Variants in ITCH observed in about 807,000 individuals in gnomAD.
The protein encoded by ITCH is itchy E3 ubiquitin protein ligase, also known as E3 ubiquitin-protein ligase Itchy homolog.
In ITCH, 28 loss-of-function variants were observed where a neutral mutation model predicts 126.8. The ratio of observed to expected loss-of-function variants is 0.22; its 90% CI spans 0.16 to 0.30. The LOEUF is 0.30. Ranked by LOEUF, ITCH falls within the 10% of genes least tolerant of loss-of-function variation. The probability of loss-of-function intolerance (pLI) is 1.00; values close to 1 mark genes in which losing one functional copy is unlikely to be tolerated. For missense variants in ITCH, 631 were observed against 1,032.4 expected (o/e 0.61, Z 5.33); for synonymous variants, 342 against 340.0 (o/e 1.01, Z -0.06).
At chr20:34,476,484 T>C (rs1361652791) in intron 16 of ITCH, 1 of 1,210,856 alleles carries the variant, frequency 8.3e-7, no homozygotes, top group Non-Finnish European at 1.0e-6. Flanking sequence ...TCGCCCGCGG[T>C]CGGGAACTCA....
chr20:34,442,150 T>C (rs2146293125), intron 9 of ITCH, 58 bp from the exon 10 acceptor site: 1 of 1,272,476 alleles, frequency 7.9e-7, no homozygotes, highest in East Asian at 2.3e-5. Context: ...AAAGACAGGA[T>C]TAAAAAGCCA....
chr20:34,445,547 A>C (rs926625670), intron 11 of ITCH, 86 bp downstream of exon 11: 4 of 1,334,810 alleles, frequency 3.0e-6, no homozygotes, highest in African/African-American at 1.4e-5. Flanking sequence ...ACTAAAAAGA[A>C]GGTGCAAGTA....
intron 16 of ITCH, 31 bp from the exon 17 acceptor site, chr20:34,477,741 T>C (rs1988371208): frequency 1.2e-6 from 2 of 1,607,148 alleles, no homozygotes; most frequent in African/African-American, 1.3e-5. Flanking sequence ...ATAGCTTTTT[T>C]CACCAATTAT....
chr20:34,454,754 G>T (rs1443109677), intron 12 of ITCH, among the ~76,000 whole-genome samples: 1 of 149,506 alleles, frequency 6.7e-6, no homozygotes, highest in Non-Finnish European at 1.5e-5. Flanking sequence ...GCCTAAAACT[G>T]ATCCAGATGA....
At chr20:34,419,919 C>CT (rs1334539172) in intron 6 of ITCH, among the ~76,000 whole-genome samples, 18 of 145,072 alleles carry the variant, frequency 1.2e-4, no homozygotes, top group East Asian at 6.0e-4. Flanking sequence ...ATTTGCTTAG[C>CT]TTTTTTTTTT....
At chr20:34,442,602 G>A (rs1201088572) in intron 10 of ITCH, among the ~76,000 whole-genome samples, 1 of 151,844 alleles carries the variant, frequency 6.6e-6, no homozygotes, top group Non-Finnish European at 1.5e-5. Context: ...ATCCTCCCGC[G>A]TTGGCCTCCC....
intron 18 of ITCH, among the ~76,000 whole-genome samples, chr20:34,480,374 G>C (rs1412529905): frequency 6.6e-6 from 1 of 151,960 alleles, no homozygotes. Context: ...GCTAATTTTT[G>C]TGTTTTTAGT....
intron 23 of ITCH, among the ~76,000 whole-genome samples, chr20:34,494,149 G>T (rs1989704699): frequency 6.6e-6 from 1 of 152,194 alleles, no homozygotes; most frequent in African/African-American, 2.4e-5. Flanking sequence ...AGAATCGCTT[G>T]AACCCGGGAG....
At chr20:34,469,052 T>G (rs1384744541) in intron 14 of ITCH, among the ~76,000 whole-genome samples, 2 of 152,182 alleles carry the variant, frequency 1.3e-5, no homozygotes, top group Non-Finnish European at 2.9e-5. Flanking sequence ...AGTCCAAGGC[T>G]AGCTGAGAAA....
intron 16 of ITCH, among the ~76,000 whole-genome samples, chr20:34,475,255 C>T (rs1426197973): frequency 6.6e-6 from 1 of 152,174 alleles, no homozygotes; most frequent in African/African-American, 2.4e-5. Context: ...GACGTGGTGG[C>T]GGCCGGGCAG....
At chr20:34,364,172 A>G (rs2037317071) in intron 1 of ITCH, among the ~76,000 whole-genome samples, 1 of 152,198 alleles carries the variant, frequency 6.6e-6, no homozygotes, top group Non-Finnish European at 1.5e-5. Flanking sequence ...CGCTGGGCCT[A>G]AAGTTAGTTG....
intron 3 of ITCH, among the ~76,000 whole-genome samples, chr20:34,394,204 T>C (rs1048552601): frequency 8.2e-6 from 1 of 121,300 alleles, no homozygotes; most frequent in Admixed American, 8.8e-5. Context: ...AGGGTGAGAC[T>C]GTCTCAAAAA....
At chr20:34,403,922 A>T (rs1457011948) in intron 3 of ITCH, among the ~76,000 whole-genome samples, 1 of 152,188 alleles carries the variant, frequency 6.6e-6, no homozygotes, top group Non-Finnish European at 1.5e-5. Flanking sequence ...CTTTGGTAAG[A>T]TTTGTTTTAG....
chr20:34,507,286 TTTTGG>T lies in ITCH; in HGVS notation c.2490-406_2490-402del, dbSNP rs1380008941. On this transcript the variant is annotated intron_variant, in intron 24 of 24. Transcript: ENST00000374864. ...CTGTTTTTTTTTTTTTTTTTTTTTT[TTTTGG>T]TTGTTGTTGTTGTTGTTTTGGTGTT... 1.5e-3 allele frequency among the ~76,000 whole-genome samples: 150 copies of T among 101,328 alleles called. 1 individual carries two copies. The highest frequency in any genetic ancestry group is 5.1e-3 in the African/African-American group (139 of 27,364). 66.5% of individuals were successfully genotyped at this position (101,328 alleles called of 152,430 possible). A position where few individuals can be genotyped will look rare whatever the true frequency, so the allele number is the denominator to read the frequency against.
chr20:34,442,774 C>T (rs1319748968), intron 10 of ITCH, among the ~76,000 whole-genome samples: 3 of 151,424 alleles, frequency 2.0e-5, no homozygotes, highest in Admixed American at 6.6e-5. Flanking sequence ...GAGATTGAGA[C>T]CATCCTGGCT....
chr20:34,445,038 A>G (rs1778915538), intron 10 of ITCH, among the ~76,000 whole-genome samples: 1 of 152,220 alleles, frequency 6.6e-6, no homozygotes, highest in African/African-American at 2.4e-5. Flanking sequence ...AAGAAACTCA[A>G]AACTTAATGA....
chr20:34,441,782 C>T (rs954852930), intron 9 of ITCH: 1 of 200,848 alleles, frequency 5.0e-6, no homozygotes, highest in African/African-American at 2.3e-5. Context: ...AACGGGGTTT[C>T]ACCATGTTGG....
At chr20:34,475,904 A>G (rs1193652729) in intron 16 of ITCH, 3 of 1,094,880 alleles carry the variant, frequency 2.7e-6, no homozygotes, top group Non-Finnish European at 1.4e-6. Flanking sequence ...TTCCATGAAA[A>G]TATTCCTATT....
rs748025193 is a variant in ITCH at position 34,408,742 on chromosome 20, A to C, written c.162A>C (p.Thr54=). ...EVTVDGQSKK[T]EKCNNTNSPK... ...CAGTAGATGGACAGTCAAAGAAGACAGAAAAATGCAACAACACAAACAGTC... is the reference window on the plus strand; with the variant it reads ...CAGTAGATGGACAGTCAAAGAAGACCGAAAAATGCAACAACACAAACAGTC... The change falls in exon 4 of 25, where the codon ACA becomes ACC. Residue 54 remains threonine, a synonymous_variant. Coordinates refer to ENST00000374864, the MANE Select transcript of ITCH (RefSeq NM_031483.7). 3.7e-6 allele frequency: 6 copies of C among 1,614,142 alleles called. No individual in the cohort carries two copies. The highest frequency in any genetic ancestry group is 8.5e-7 in the Non-Finnish European group (1 of 1,179,992).
Sources: allele counts gnomAD v4.1 joint callset (sites outside exome capture counted in the v4.1 genomes callset), GRCh38; gene constraint gnomAD v4.1.1; transcripts MANE v1.5; gene names NCBI Gene and HGNC (gene_info 2026-07-23, HGNC 2026-07-21).